PEBP4: variants seen among roughly 807,000 people sequenced by gnomAD.
PEBP4 encodes phosphatidylethanolamine binding protein 4, also known as phosphatidylethanolamine-binding protein 4.
A neutral mutation model predicts 23.9 loss-of-function variants in PEBP4; 22 were observed. That is an observed-to-expected ratio of 0.92 (90% CI 0.66 to 1.31). The LOEUF is 1.31. PEBP4 is among the 40% of genes most tolerant of loss of function. The probability of loss-of-function intolerance (pLI) is 0.00; values close to 1 mark genes in which losing one functional copy is unlikely to be tolerated. For synonymous variants in PEBP4, 112 were observed against 99.3 expected, an observed-to-expected ratio of 1.13 and a Z score of -0.76; for missense variants, 324 against 281.7, an observed-to-expected ratio of 1.15 and a Z score of -1.07.
chr8:22,865,946 G>C lies in PEBP4; in HGVS notation c.259-48211C>G, dbSNP rs1255225649. Among the ~76,000 whole-genome samples, 1 of 151,918 alleles carries C rather than the reference G, an allele frequency of 6.6e-6. No homozygotes were observed. The highest frequency in any genetic ancestry group is 2.0e-4 in the East Asian group (1 of 5,080). ...GCCTCGAGGTGTGGCCCGGCGCCGGGCGGTGCTGCCCGGAGAGCGCGCAGC... is the reference window on the plus strand; with the variant it reads ...GCCTCGAGGTGTGGCCCGGCGCCGGCCGGTGCTGCCCGGAGAGCGCGCAGC... On this transcript the variant is annotated intron_variant, in intron 3 of 6. Transcript: ENST00000256404. This position sits in a 1 kb window ranked among gnomAD's most constrained non-coding sequence, Gnocchi z 6.9.
chr8:22,846,447 A>G (rs1182304975), intron 3 of PEBP4, among the ~76,000 whole-genome samples: 1 of 152,132 alleles, frequency 6.6e-6, no homozygotes, highest in Non-Finnish European at 1.5e-5. Flanking sequence ...TGGGATCGTC[A>G]TCACCCCATT....
chr8:22,807,957 TCATC>T (rs1806535699), intron 4 of PEBP4, among the ~76,000 whole-genome samples: 1 of 149,068 alleles, frequency 6.7e-6, no homozygotes, highest in Non-Finnish European at 1.5e-5. Flanking sequence ...ATCCATTCAT[TCATC>T]CATCCGTCTA....
At chr8:22,733,705 A>G (rs1004802432) in intron 4 of PEBP4, among the ~76,000 whole-genome samples, 4 of 151,682 alleles carry the variant, frequency 2.6e-5, no homozygotes, top group Admixed American at 6.6e-5. Context: ...GGAGGATTCA[A>G]TCTTCTGCCT....
chr8:22,857,000 T>C (rs1370771727), intron 3 of PEBP4, among the ~76,000 whole-genome samples: 2 of 152,016 alleles, frequency 1.3e-5, no homozygotes, highest in Admixed American at 1.3e-4. Context: ...TAGGTGAGTG[T>C]TTGATGACAT....
rs74657215 is a variant in PEBP4 at position 22,818,758 on chromosome 8, T to C, written c.259-1023A>G. ...GAGACTCGCAGTAGCATGGGAAGGA[T>C]GTTGGTATCTTGGGCTAGGATGGCA... is the stretch of plus-strand genomic sequence containing the variant. On this transcript the variant is annotated intron_variant, in intron 3 of 6. Coordinates refer to ENST00000256404, the MANE Select transcript of PEBP4 (RefSeq NM_144962.3). Among the ~76,000 whole-genome samples the C allele has an allele frequency of 9.8e-4, 149 of 152,212 alleles. 1 individual carries two copies. Among genetic ancestry groups the C allele is most frequent in the African/African-American group, 3.5e-3 (146 of 41,550 alleles).
At chr8:22,858,055 T>C (rs1807693128) in intron 3 of PEBP4, among the ~76,000 whole-genome samples, 2 of 152,174 alleles carry the variant, frequency 1.3e-5, no homozygotes, top group African/African-American at 4.8e-5. Context: ...AGAATTCTTC[T>C]AGGTGACAAG....
chr8:22,824,703 A>T (rs1806930338), intron 3 of PEBP4, among the ~76,000 whole-genome samples: 1 of 152,164 alleles, frequency 6.6e-6, no homozygotes, highest in African/African-American at 2.4e-5. Context: ...CAGGCATTAG[A>T]TTCTCATAAG....
intron 4 of PEBP4, among the ~76,000 whole-genome samples, chr8:22,741,468 A>G (rs4872540): frequency 0.92 from 139,779 of 152,226 alleles, 64,805 homozygotes; most frequent in East Asian, 1. Flanking sequence ...GGGAAGTTTG[A>G]CAATCATAGC....
chr8:22,749,699 C>A (rs1358497190), intron 4 of PEBP4, among the ~76,000 whole-genome samples: 5 of 152,148 alleles, frequency 3.3e-5, no homozygotes, highest in African/African-American at 1.2e-4. Flanking sequence ...GGTCCACCCC[C>A]TGCCTTTTAC....
In PEBP4 at chr8:22,819,602, T is replaced by TTTTTG. The variant is rs370269006; in HGVS notation, c.259-1872_259-1868dup. Among the ~76,000 whole-genome samples, 1,187 of 152,038 alleles carry TTTTTG rather than the reference T, an allele frequency of 7.8e-3. 13 individuals are homozygous for TTTTTG. Among genetic ancestry groups the TTTTTG allele is most frequent in the African/African-American group, 0.027 (1,114 of 41,422 alleles). On this transcript the variant is annotated intron_variant, in intron 3 of 6. Coordinates refer to ENST00000256404, the MANE Select transcript of PEBP4 (RefSeq NM_144962.3). ...AAGAAGAGTCAAGATTGTTTTTGTT[T>TTTTTG]TTTTGTTTTGTTTTGTTTTGTTTTT...
intron 4 of PEBP4, among the ~76,000 whole-genome samples, chr8:22,741,415 G>T (rs1804992110): frequency 1.3e-5 from 2 of 152,238 alleles, no homozygotes; most frequent in African/African-American, 2.4e-5. Flanking sequence ...TTCTCATTCT[G>T]TTGTGGCACT....
chr8:22,786,566 G>A (rs1166220920), intron 4 of PEBP4, among the ~76,000 whole-genome samples: 2 of 151,996 alleles, frequency 1.3e-5, no homozygotes, highest in African/African-American at 2.4e-5. Flanking sequence ...TTACAGGCAT[G>A]AGCCACCATG....
At chr8:22,900,552 G>T (rs1808691353) in intron 3 of PEBP4, among the ~76,000 whole-genome samples, 1 of 151,940 alleles carries the variant, frequency 6.6e-6, no homozygotes, top group South Asian at 2.1e-4. Context: ...GGGAGGCTGA[G>T]GCATCAGAAT....
intron 5 of PEBP4, among the ~76,000 whole-genome samples, chr8:22,725,951 T>G (rs1463159052): frequency 6.6e-6 from 1 of 151,910 alleles, no homozygotes; most frequent in East Asian, 1.9e-4. Flanking sequence ...ACCGGGGAAT[T>G]CCTGACGATT....
chr8:22,940,545 G>A (rs1413503408), intron 1 of PEBP4, among the ~76,000 whole-genome samples: 1 of 146,768 alleles, frequency 6.8e-6, no homozygotes, highest in Non-Finnish European at 1.5e-5. Context: ...CTGGAGTGCA[G>A]CAGCACAATC....
chr8:22,875,904 G>A (rs1189832674), intron 3 of PEBP4, among the ~76,000 whole-genome samples: 1 of 152,076 alleles, frequency 6.6e-6, no homozygotes, highest in Non-Finnish European at 1.5e-5. Context: ...ATTCTGCTCA[G>A]ATGTCACCTG....
chr8:22,808,469 C>A (rs1563222881), intron 4 of PEBP4, among the ~76,000 whole-genome samples: 3 of 152,348 alleles, frequency 2.0e-5, no homozygotes, highest in South Asian at 4.1e-4. Context: ...TAAGAAGACA[C>A]ATTTCTGCTC....
chr8:22,720,065 C>G (rs1192694312), intron 6 of PEBP4, among the ~76,000 whole-genome samples: 4 of 152,182 alleles, frequency 2.6e-5, no homozygotes, highest in African/African-American at 9.7e-5. Context: ...TGAAAGCCAA[C>G]AGTGGGCTGG....
intron 1 of PEBP4, among the ~76,000 whole-genome samples, chr8:22,939,163 A>G (rs974202869): frequency 2.0e-5 from 3 of 152,200 alleles, no homozygotes; most frequent in Non-Finnish European, 4.4e-5. Flanking sequence ...AATTACATCA[A>G]ACTTCCCATC....
Sources: gnomAD v4.1 joint callset for allele counts (sites outside exome capture counted in the v4.1 genomes callset) on GRCh38, gnomAD v4.1.1 for gene constraint, Gnocchi (gnomAD v3.1) non-coding constraint, MANE v1.5 for transcripts, NCBI Gene and HGNC (gene_info 2026-07-23, HGNC 2026-07-21) for gene names.